Variants in CAMTA1 observed in about 807,000 individuals in gnomAD.
The protein encoded by CAMTA1 is calmodulin binding transcription activator 1.
Under a neutral mutation model 170.9 loss-of-function variants are expected in CAMTA1, and 27 were observed. The ratio of observed to expected loss-of-function variants is 0.16; its 90% CI spans 0.12 to 0.22. The LOEUF is 0.22. CAMTA1 is among the 10% of genes least tolerant of loss of function. CAMTA1 has a pLI of 1.00. For synonymous variants in CAMTA1, 833 were observed against 891.5 expected (o/e 0.93, Z 1.17); for missense variants, 1,619 against 2,217.2 (o/e 0.73, Z 5.42).
In CAMTA1 at chr1:6,951,832, T is replaced by A. The variant is rs545150887; in HGVS notation, c.234+126622T>A. Among the ~76,000 whole-genome samples, 208 of 152,316 alleles carry A rather than the reference T, an allele frequency of 1.4e-3. 2 individuals carry two copies. The highest frequency in any genetic ancestry group is 0.013 in the Admixed American group (205 of 15,304). ...CTGGGAAAGGCCTCTGTTGTCATCC[T>A]GCGGGGTTCCAGGGTGAGGGTGCAT... is the stretch of plus-strand genomic sequence containing the variant. On this transcript the variant is annotated intron_variant, in intron 3 of 22. Transcript: ENST00000303635.
At position 7,744,732 on chromosome 1, in the gene CAMTA1, TG is replaced by T. The variant is rs1260401577; in HGVS notation, c.4183-102del. On this transcript the variant is annotated intron_variant, in intron 16 of 22. Coordinates refer to ENST00000303635, the MANE Select transcript of CAMTA1 (RefSeq NM_015215.4). ...GGATTGAGGTGGAAGTCTGCCCTCCTGCCTGATTATTTTTTTCTCTCCAAGG... is the reference window on the plus strand; with the variant it reads ...GGATTGAGGTGGAAGTCTGCCCTCCTCCTGATTATTTTTTTCTCTCCAAGG... The T allele has an allele frequency of 1.1e-4, 98 of 932,832 alleles. 1 individual carries two copies. Among genetic ancestry groups the T allele is most frequent in the Non-Finnish European group, 1.5e-4 (93 of 609,066 alleles). The allele number at this position is 932,832 out of a possible 1,614,324, so 57.8% of individuals were successfully genotyped here. A position where few individuals can be genotyped will look rare whatever the true frequency, so the allele number is the denominator to read the frequency against.
chr1:7,211,965 G>T (rs1022749532), intron 4 of CAMTA1, among the ~76,000 whole-genome samples: 3 of 152,060 alleles, frequency 2.0e-5, no homozygotes, highest in African/African-American at 7.2e-5. Flanking sequence ...TCCATATGTG[G>T]CACTTTCTTT....
At chr1:7,030,307 A>T (rs1385385795) in intron 3 of CAMTA1, among the ~76,000 whole-genome samples, 1 of 152,176 alleles carries the variant, frequency 6.6e-6, no homozygotes, top group Non-Finnish European at 1.5e-5. Flanking sequence ...AAGATCTTTT[A>T]TCCTGGCATT....
chr1:6,849,444 T>A (rs1659557117), intron 3 of CAMTA1, among the ~76,000 whole-genome samples: 1 of 151,340 alleles, frequency 6.6e-6, no homozygotes, highest in Admixed American at 6.6e-5. Context: ...TGAGAGAGGA[T>A]GAAATGAGAG....
chr1:7,218,791 G>A (rs1475656535), intron 4 of CAMTA1, among the ~76,000 whole-genome samples: 5 of 152,064 alleles, frequency 3.3e-5, no homozygotes, highest in Admixed American at 6.5e-5. Flanking sequence ...GTTCTGGGTG[G>A]GAACTCAAGA....
intron 11 of CAMTA1, among the ~76,000 whole-genome samples, chr1:7,729,040 C>T (rs554111642): frequency 2.6e-5 from 4 of 152,102 alleles, no homozygotes; most frequent in South Asian, 2.1e-4. Flanking sequence ...CGTTATTTTT[C>T]GCTTTAAAAG....
intron 3 of CAMTA1, among the ~76,000 whole-genome samples, chr1:7,047,838 G>C (rs1705658724): frequency 6.6e-6 from 1 of 151,990 alleles, no homozygotes; most frequent in African/African-American, 2.4e-5. Flanking sequence ...GATATGCCTG[G>C]ATGTCATCCA....
intron 5 of CAMTA1, among the ~76,000 whole-genome samples, chr1:7,284,191 T>TATTATTATTATC (rs1374276403): frequency 2.7e-4 from 36 of 135,528 alleles, no homozygotes; most frequent in Non-Finnish European, 3.9e-4. Flanking sequence ...TTATTATTAT[T>TATTATTATTATC]ATTATTATTA....
intron 3 of CAMTA1, among the ~76,000 whole-genome samples, chr1:7,043,068 C>T (rs1486329417): frequency 6.6e-6 from 1 of 152,200 alleles, no homozygotes; most frequent in Non-Finnish European, 1.5e-5. Flanking sequence ...CCAGCTTTCT[C>T]ACTTGTGGAA....
At chr1:7,354,303 C>T (rs776591952) in intron 5 of CAMTA1, among the ~76,000 whole-genome samples, 20 of 152,110 alleles carry the variant, frequency 1.3e-4, no homozygotes, top group Non-Finnish European at 2.2e-4. Context: ...CGCCTGCCAC[C>T]GCGCCCGGCT....
chr1:7,657,473 C>T (rs2095914329), intron 7 of CAMTA1, among the ~76,000 whole-genome samples: 1 of 152,218 alleles, frequency 6.6e-6, no homozygotes, highest in Non-Finnish European at 1.5e-5. Context: ...TGCCTCCTCC[C>T]TTACAAGACA....
intron 4 of CAMTA1, chr1:7,142,114 G>C (rs753258351): frequency 5.8e-6 from 3 of 518,600 alleles, no homozygotes; most frequent in South Asian, 2.8e-5. Flanking sequence ...ACTTTGTTGG[G>C]GTGAGTGCCC....
chr1:6,955,723 G>A (rs982633963), intron 3 of CAMTA1, among the ~76,000 whole-genome samples: 5 of 152,154 alleles, frequency 3.3e-5, no homozygotes, highest in African/African-American at 7.2e-5. Context: ...TAGTGAACAC[G>A]TGTCTAGCTG....
At chr1:7,091,181 G>A (rs1177911431) in intron 3 of CAMTA1, 123 bp from the exon 4 acceptor site, 44 of 716,312 alleles carry the variant, frequency 6.1e-5, no homozygotes, top group Non-Finnish European at 4.3e-5. Context: ...TATTTCTCTA[G>A]CAGGGATGGA....
At chr1:7,498,920 T>TGAGTGTGTGTGCATGTGTGTCC (rs1163536789) in intron 6 of CAMTA1, among the ~76,000 whole-genome samples, 28 of 91,572 alleles carry the variant, frequency 3.1e-4, no homozygotes, top group African/African-American at 1.0e-3. Flanking sequence ...TGCGTATGTA[T>TGAGTGTGTGTGCATGTGTGTCC]ATGAGTGTGT....
At chr1:7,569,225 A>G (rs2095092325) in intron 6 of CAMTA1, among the ~76,000 whole-genome samples, 1 of 147,720 alleles carries the variant, frequency 6.8e-6, no homozygotes, top group African/African-American at 2.6e-5. Flanking sequence ...ACCATCATCC[A>G]TCATCATCAC....
chr1:7,561,604 G>A lies in CAMTA1; in HGVS notation c.511-78796G>A, dbSNP rs1266508654. ...GGAGGGGAGACTGTGGGCGGCTTGC[G>A]CAGCACCCTCTGCAGGCAGAGCTGG... On this transcript the variant is annotated intron_variant, in intron 6 of 22. Transcript: ENST00000303635. The surrounding 1 kb of genome is among the most constrained non-coding windows in gnomAD (Gnocchi z 5.3). 2.6e-5 allele frequency among the ~76,000 whole-genome samples: 4 copies of A among 151,962 alleles called. No individual in the cohort carries two copies. The highest frequency in any genetic ancestry group is 9.7e-5 in the African/African-American group (4 of 41,366).
chr1:6,858,283 A>C (rs566178940), intron 3 of CAMTA1, among the ~76,000 whole-genome samples: 11 of 152,336 alleles, frequency 7.2e-5, no homozygotes, highest in African/African-American at 2.6e-4. Context: ...TCTTAGACAC[A>C]GTAATATAGT....
At chr1:6,911,822 G>T (rs765588237) in intron 3 of CAMTA1, among the ~76,000 whole-genome samples, 20 of 152,228 alleles carry the variant, frequency 1.3e-4, no homozygotes, top group Admixed American at 6.5e-5. Flanking sequence ...CTTGCTGTCT[G>T]CGGGCTCTGT....
Sources: allele counts gnomAD v4.1 joint callset (sites outside exome capture counted in the v4.1 genomes callset), GRCh38; gene constraint gnomAD v4.1.1; non-coding constraint Gnocchi (gnomAD v3.1); transcripts MANE v1.5; gene names NCBI Gene and HGNC (gene_info 2026-07-23, HGNC 2026-07-21).